The following PRKCQ variants were observed in gnomAD, a reference collection of about 807,000 sequenced individuals.
The protein encoded by PRKCQ is protein kinase C theta type.
In PRKCQ, 41 loss-of-function variants were observed where a neutral mutation model predicts 91.2. That is an observed-to-expected ratio of 0.45 (90% CI 0.35 to 0.58). The LOEUF (loss-of-function observed/expected upper bound fraction) is 0.58, where lower values mean the gene tolerates loss of function less well. Among genes scored for constraint, PRKCQ ranks in the 20% least tolerant of loss-of-function variants. The pLI, the probability that PRKCQ is intolerant of heterozygous loss-of-function variation, is 0.00. For missense variants in PRKCQ, 673 were observed against 896.5 expected (o/e 0.75, Z 3.18); for synonymous variants, 307 against 316.9 (o/e 0.97, Z 0.33).
intron 1 of PRKCQ, among the ~76,000 whole-genome samples, chr10:6,518,391 CTT>C (rs1838858498): frequency 6.6e-6 from 1 of 152,080 alleles, no homozygotes; most frequent in Non-Finnish European, 1.5e-5. Context: ...TATTTAAGCT[CTT>C]TTGAACATTT....
the PRKCQ span, among the ~76,000 whole-genome samples, chr10:6,400,622 T>C: frequency 1.0e-5 from 1 of 95,294 alleles, no homozygotes; most frequent in Non-Finnish European, 2.2e-5. Flanking sequence ...CTAACAGTGC[T>C]TCCTTTCAGA....
intron 1 of PRKCQ, among the ~76,000 whole-genome samples, chr10:6,563,317 C>T (rs571530499): frequency 1.3e-5 from 2 of 152,136 alleles, no homozygotes; most frequent in African/African-American, 4.8e-5. Flanking sequence ...TATGACTGAG[C>T]TCTACTGCAT....
chr10:6,468,900 G>T (rs1158279752), intron 12 of PRKCQ, among the ~76,000 whole-genome samples: 1 of 152,206 alleles, frequency 6.6e-6, no homozygotes, highest in African/African-American at 2.4e-5. Flanking sequence ...ACAGCCGATG[G>T]AAAGAGTTGG....
Position 6,497,236 on chromosome 10 carries a change from C to T in PRKCQ, c.558G>A (p.Gln186=). The T allele has an allele frequency of 1.2e-6, 2 of 1,614,092 alleles. No individual in the cohort carries two copies. The highest frequency in any genetic ancestry group is 1.7e-6 in the Non-Finnish European group (2 of 1,179,998). ...CHEFVWGLNK[Q]GYQCRQCNAA... ...CTTACTTACGTCGGCACTGGTAGCC[C>T]TGTTTGTTCAGGCCCCTGTAATAAA... is the stretch of plus-strand genomic sequence containing the variant. The change falls in exon 6 of 18, where the codon CAG becomes CAA. Residue 186 remains glutamine (Q), a synonymous_variant. Coordinates refer to ENST00000263125, the MANE Select transcript of PRKCQ (RefSeq NM_006257.5). The surrounding 1 kb of genome is among the most constrained non-coding windows in gnomAD (Gnocchi z 4.5).
At chr10:6,421,511 C>T in the PRKCQ span, among the ~76,000 whole-genome samples, 1 of 152,142 alleles carries the variant, frequency 6.6e-6, no homozygotes, top group South Asian at 2.1e-4. This position sits in a 1 kb window ranked among gnomAD's most constrained non-coding sequence, Gnocchi z 4.1. Flanking sequence ...GTTTCTTCAT[C>T]TCAGCTACAT....
the PRKCQ span, among the ~76,000 whole-genome samples, chr10:6,399,399 A>T: frequency 1.3e-5 from 2 of 152,340 alleles, no homozygotes; most frequent in South Asian, 4.1e-4. Context: ...CTCCCTGCCT[A>T]GCCTGGAGCT....
chr10:6,515,545 G>A (rs1234131609), intron 1 of PRKCQ: 4 of 976,152 alleles, frequency 4.1e-6, no homozygotes, highest in Middle Eastern at 5.2e-4. Context: ...TATATAGAGC[G>A]AGTCTATTTT....
chr10:6,394,752 C>G, the PRKCQ span, among the ~76,000 whole-genome samples: 1 of 152,174 alleles, frequency 6.6e-6, no homozygotes, highest in Non-Finnish European at 1.5e-5. Flanking sequence ...CCATGCTGCT[C>G]GCAAGAAGCA....
At chr10:6,442,660 T>C (rs750433400) in intron 15 of PRKCQ, among the ~76,000 whole-genome samples, 2 of 152,076 alleles carry the variant, frequency 1.3e-5, no homozygotes, top group African/African-American at 2.4e-5. Context: ...GAACCTAGGA[T>C]AGCAAAGTGC....
At chr10:6,477,637 G>T (rs568415350) in intron 12 of PRKCQ, among the ~76,000 whole-genome samples, 3 of 152,324 alleles carry the variant, frequency 2.0e-5, no homozygotes, top group Admixed American at 6.5e-5. Flanking sequence ...GGAGGCTGAG[G>T]GGGGTGGATC....
intron 7 of PRKCQ, among the ~76,000 whole-genome samples, chr10:6,496,159 T>C (rs540661776): frequency 3.0e-5 from 4 of 133,396 alleles, no homozygotes; most frequent in South Asian, 2.2e-4. Flanking sequence ...GAAGTTGCAG[T>C]GAACCAAGAT....
Position 6,430,873 on chromosome 10 carries a change from A to C in PRKCQ, c.1902T>G (p.Phe634Leu). ...VRGDIRQHPL[F>L]REINWEELER... ...CAAGTTCCTCCCAGTTGATCTCCCG[A>C]AACAAAGGGTGCTGGCGGATGTCTC... is the stretch of plus-strand genomic sequence containing the variant. Residue 634 changes from phenylalanine to leucine, a missense_variant, in exon 17 of 18, where the codon TTT becomes TTG. By Grantham distance (22) the Phe-to-Leu change is conservative. Coordinates refer to ENST00000263125, the MANE Select transcript of PRKCQ (RefSeq NM_006257.5). This position sits in a 1 kb window ranked among gnomAD's most constrained non-coding sequence, Gnocchi z 4.7. 2 of 1,614,170 alleles carry C rather than the reference A, an allele frequency of 1.2e-6. No individual in the cohort carries two copies. Among genetic ancestry groups the C allele is most frequent in the Non-Finnish European group, 1.7e-6 (2 of 1,180,012 alleles).
rs1019445556 is a variant in PRKCQ, at chr10:6,462,359, A to C, written c.1452T>G (p.Tyr484Ter). Residue 484 changes from tyrosine to a stop codon, truncating the protein, a stop_gained, in exon 14 of 18, where the codon TAT becomes TAG. Transcript: ENST00000263125. LOFTEE classifies it high-confidence loss of function. ...HKFDLSRATF[Y>*]AAEIILGLQF... The stretch of plus-strand genomic sequence containing the variant: ...GCAGACCAAGAATGATTTCAGCAGC[A>C]TAAAACCTGGGGGAAGGAGAACCAA... 3 of 1,613,884 alleles carry C rather than the reference A, an allele frequency of 1.9e-6. No homozygotes were observed. The highest frequency in any genetic ancestry group is 2.5e-6 in the Non-Finnish European group (3 of 1,179,924).
intron 2 of PRKCQ, chr10:6,512,057 C>T (rs1347401874): frequency 2.6e-5 from 4 of 152,214 alleles, no homozygotes; most frequent in Non-Finnish European, 5.9e-5. Context: ...CTGGCCCCAG[C>T]TTAAACATAG....
intron 8 of PRKCQ, 138 bp downstream of exon 8, chr10:6,491,545 C>T (rs1837299121): frequency 1.3e-5 from 16 of 1,196,650 alleles, no homozygotes; most frequent in Non-Finnish European, 1.8e-5. Context: ...CCCCAGAAGA[C>T]CATACTTATG....
At chr10:6,551,278 G>C (rs972905221) in intron 1 of PRKCQ, among the ~76,000 whole-genome samples, 1 of 152,002 alleles carries the variant, frequency 6.6e-6, no homozygotes, top group Admixed American at 6.5e-5. Flanking sequence ...TTCTGTGTTA[G>C]TTTGCTAAGG....
the PRKCQ span, among the ~76,000 whole-genome samples, chr10:6,404,937 C>CCCTT: frequency 1.8e-4 from 15 of 83,762 alleles, no homozygotes; most frequent in Non-Finnish European, 2.6e-4. Flanking sequence ...CCCTTCCCTT[C>CCCTT]CCTTCCTTCC....
At chr10:6,471,177 C>T (rs1379047592) in intron 12 of PRKCQ, among the ~76,000 whole-genome samples, 1 of 152,072 alleles carries the variant, frequency 6.6e-6, no homozygotes, top group African/African-American at 2.4e-5. Flanking sequence ...GTGCCCAGCC[C>T]CTGAACATTA....
chr10:6,462,376 G>A lies in PRKCQ; in HGVS notation c.1446-11C>T. 6.2e-7 allele frequency: 1 copy of A among 1,612,818 alleles called. No individual in the cohort carries two copies. Among genetic ancestry groups the A allele is most frequent in the Non-Finnish European group, 8.5e-7 (1 of 1,179,230 alleles). On this transcript the variant is annotated splice_polypyrimidine_tract_variant and intron_variant, in intron 13 of 17. Transcript: ENST00000263125. ...TCAGCAGCATAAAACCTGGGGGAAG[G>A]AGAACCAAGGTTCAACATGAATGTT...
Sources: allele counts gnomAD v4.1 joint callset (sites outside exome capture counted in the v4.1 genomes callset), GRCh38; gene constraint gnomAD v4.1.1; non-coding constraint Gnocchi (gnomAD v3.1); transcripts MANE v1.5; gene names NCBI Gene and HGNC (gene_info 2026-07-23, HGNC 2026-07-21).